The following ANKRD11 variants were observed in gnomAD, a reference collection of about 807,000 sequenced individuals.
ANKRD11 encodes the protein ankyrin repeat domain-containing protein 11.
In ANKRD11, 17 loss-of-function variants were observed where a neutral mutation model predicts 195.7. That is an observed-to-expected ratio of 0.09 (90% CI 0.06 to 0.13). The LOEUF is 0.13. Ranked by LOEUF, ANKRD11 falls within the 10% of genes least tolerant of loss-of-function variation. ANKRD11 has a pLI of 1.00. For missense variants in ANKRD11, 3,735 were observed against 3,566.1 expected (o/e 1.05, Z -1.21); for synonymous variants, 1,953 against 1,528.1 (o/e 1.28, Z -6.49).
chr16:89,488,534 G>A (rs2057698789), intron 1 of ANKRD11, among the ~76,000 whole-genome samples: 2 of 151,740 alleles, frequency 1.3e-5, no homozygotes, highest in Admixed American at 1.3e-4. Context: ...AGTCTTCCAG[G>A]GCAGCCAATA....
intron 2 of ANKRD11, among the ~76,000 whole-genome samples, chr16:89,337,599 G>A: frequency 6.6e-6 from 1 of 151,852 alleles, no homozygotes; most frequent in East Asian, 1.9e-4. Context: ...ACCATGCCCA[G>A]ATAATTTTTT....
At chr16:89,278,671 G>A (rs1285286355) in intron 9 of ANKRD11, 3 of 472,168 alleles carry the variant, frequency 6.4e-6, no homozygotes, top group Admixed American at 2.3e-5. Flanking sequence ...GAACCCACGC[G>A]GGTCCAAGGG....
chr16:89,288,151 C>T, intron 7 of ANKRD11: 6 of 602,330 alleles, frequency 1.0e-5, no homozygotes, highest in Non-Finnish European at 1.8e-5. Context: ...TACCTCATTC[C>T]AGACGAGGGT....
intron 2 of ANKRD11, among the ~76,000 whole-genome samples, chr16:89,346,248 A>AG (rs1423083653): frequency 3.9e-5 from 4 of 103,470 alleles, no homozygotes; most frequent in Admixed American, 9.3e-5. Context: ...ACCCCGTCTC[A>AG]GGAAAAAAAA....
At chr16:89,364,033 C>G (rs969955091) in intron 2 of ANKRD11, among the ~76,000 whole-genome samples, 2 of 152,042 alleles carry the variant, frequency 1.3e-5, no homozygotes, top group Admixed American at 6.6e-5. Flanking sequence ...CCACTGCATT[C>G]CTGCCCAGCC....
At chr16:89,462,746 C>G (rs1392025292) in intron 1 of ANKRD11, among the ~76,000 whole-genome samples, 1 of 151,904 alleles carries the variant, frequency 6.6e-6, no homozygotes, top group Non-Finnish European at 1.5e-5. Context: ...TGAGGAGCAC[C>G]TCTGCCCGGC....
intron 3 of ANKRD11, among the ~76,000 whole-genome samples, chr16:89,314,715 C>T (rs531738647): frequency 6.1e-4 from 93 of 152,302 alleles, no homozygotes; most frequent in Admixed American, 1.2e-3. Context: ...GCTTACTGAT[C>T]TTCATCAGAC....
rs1312710062 is a variant in ANKRD11, at chr16:89,286,190, C to T, written c.745-4G>A. The T allele has an allele frequency of 1.9e-6, 3 of 1,613,092 alleles. No homozygotes were observed. The highest frequency in any genetic ancestry group is 1.7e-5 in the Admixed American group (1 of 60,014). ...ACCGCAGCAGCAGCTTCACCACCTA[C>T]AAGACAGTAACACCCGCGTCAGGGA... On this transcript the variant is annotated splice_region_variant and splice_polypyrimidine_tract_variant and intron_variant, in intron 7 of 12. Coordinates refer to ENST00000301030, the MANE Select transcript of ANKRD11 (RefSeq NM_013275.6).
At position 89,282,544 on chromosome 16, in the gene ANKRD11, T is replaced by C. The variant is rs1391815744; in HGVS notation, c.3998A>G (p.Lys1333Arg). The change falls in exon 9 of 13, where the codon AAG becomes AGG. Residue 1333 changes from lysine to arginine, a missense_variant. Coordinates refer to ENST00000301030, the MANE Select transcript of ANKRD11 (RefSeq NM_013275.6). The stretch of plus-strand genomic sequence containing the variant: ...AGGGAGGCAGGCGCTCTCCCTCGGC[T>C]TGTCGTCTCCAGGTGGCTCCGTGAA... ...VSFTEPPGDD[K>R]PRESACLPEK... The C allele has an allele frequency of 1.2e-6, 2 of 1,614,090 alleles. No homozygotes were observed. Among genetic ancestry groups the C allele is most frequent in the Non-Finnish European group, 1.7e-6 (2 of 1,179,984 alleles).
intron 12 of ANKRD11, 36 bp downstream of exon 12, chr16:89,270,781 C>T (rs748004986): frequency 2.5e-6 from 4 of 1,603,966 alleles, no homozygotes; most frequent in Admixed American, 1.7e-5. Context: ...GCAGCAGCCT[C>T]CCCCAGGCAG....
At chr16:89,380,031 G>C (rs2152102380) in intron 2 of ANKRD11, among the ~76,000 whole-genome samples, 1 of 152,260 alleles carries the variant, frequency 6.6e-6, no homozygotes, top group African/African-American at 2.4e-5. Flanking sequence ...AAGTATCAAT[G>C]GGTATATATG....
intron 2 of ANKRD11, among the ~76,000 whole-genome samples, chr16:89,359,283 T>A (rs2039622611): frequency 6.6e-6 from 1 of 152,182 alleles, no homozygotes; most frequent in Non-Finnish European, 1.5e-5. Flanking sequence ...TGCTTCTTTA[T>A]TTTTAGTAAA....
At chr16:89,321,658 A>AT (rs1480641012) in intron 2 of ANKRD11, among the ~76,000 whole-genome samples, 1 of 152,166 alleles carries the variant, frequency 6.6e-6, no homozygotes, top group Non-Finnish European at 1.5e-5. Context: ...GAAGGACCGT[A>AT]TAAGAAAAAA....
chr16:89,324,337 G>C (rs1284054762), intron 2 of ANKRD11: 7 of 1,177,802 alleles, frequency 5.9e-6, no homozygotes, highest in Non-Finnish European at 7.9e-6. Flanking sequence ...GGCGACGTGG[G>C]TGCCTCACAG....
At chr16:89,274,028 G>A (rs1489004813) in intron 11 of ANKRD11, among the ~76,000 whole-genome samples, 1 of 152,224 alleles carries the variant, frequency 6.6e-6, no homozygotes, top group African/African-American at 2.4e-5. Flanking sequence ...CCGAGGAGGA[G>A]GGAGGGGCTG....
intron 1 of ANKRD11, among the ~76,000 whole-genome samples, chr16:89,471,207 T>A (rs1213679315): frequency 3.3e-5 from 5 of 151,750 alleles, no homozygotes; most frequent in African/African-American, 9.7e-5. Context: ...TAAAAAAAAA[T>A]AAATAAATAA....
intron 2 of ANKRD11, among the ~76,000 whole-genome samples, chr16:89,328,518 CTATGGA>C (rs1451075157): frequency 6.6e-6 from 1 of 152,206 alleles, no homozygotes; most frequent in Admixed American, 6.5e-5. Context: ...AAAGGGATGG[CTATGGA>C]TACACCCAAG....
At chr16:89,336,221 G>A (rs756283211) in intron 2 of ANKRD11, among the ~76,000 whole-genome samples, 6 of 152,212 alleles carry the variant, frequency 3.9e-5, no homozygotes, top group Non-Finnish European at 8.8e-5. Flanking sequence ...AAGACTTGAG[G>A]GGTTCAGGCA....
intron 1 of ANKRD11, among the ~76,000 whole-genome samples, chr16:89,429,719 ACT>A (rs1280048064): frequency 8.7e-5 from 5 of 57,164 alleles, no homozygotes; most frequent in African/African-American, 3.5e-4. Context: ...CACAGCAGGG[ACT>A]CTCAACTCTC....
Sources: allele counts gnomAD v4.1 joint callset (sites outside exome capture counted in the v4.1 genomes callset), GRCh38; gene constraint gnomAD v4.1.1; transcripts MANE v1.5; gene names NCBI Gene and HGNC (gene_info 2026-07-23, HGNC 2026-07-21).